The following CCDC190 variants were observed in gnomAD, a reference collection of about 807,000 sequenced individuals.
CCDC190 encodes the protein coiled-coil domain-containing protein 190.
CCDC190 carries 10 observed loss-of-function variants against 13.1 expected under a neutral mutation model. That is an observed-to-expected ratio of 0.77 (90% CI 0.47 to 1.30). The LOEUF is 1.30. Among genes scored for constraint, CCDC190 ranks in the 50% most tolerant of loss-of-function variants. The pLI, the probability that CCDC190 is intolerant of heterozygous loss-of-function variation, is 0.00. For synonymous variants in CCDC190, 136 were observed against 127.2 expected, an observed-to-expected ratio of 1.07 and a Z score of -0.47; for missense variants, 375 against 354.3, an observed-to-expected ratio of 1.06 and a Z score of -0.47.
At chr1:162,865,530 A>T (rs1194227030), upstream of CCDC190, among the ~76,000 whole-genome samples, 1 of 139,696 alleles carries the variant, frequency 7.2e-6, no homozygotes, top group African/African-American at 3.4e-5. Context: ...TTAAAATAAC[A>T]GTGTATTCTG....
At chr1:162,859,687 C>A (rs779651017) in intron 1 of CCDC190, 29 bp from the exon 2 acceptor site, 92 of 1,560,514 alleles carry the variant, frequency 5.9e-5, no homozygotes, top group Non-Finnish European at 7.4e-5. Context: ...CACAAATAAC[C>A]TGATAAATGG....
chr1:162,866,884 A>G (rs2102266929), intron 1 of CCDC190, among the ~76,000 whole-genome samples: 1 of 152,296 alleles, frequency 6.6e-6, no homozygotes, highest in East Asian at 1.9e-4. Context: ...AACAATGGGT[A>G]TCTATGTGGA....
chr1:162,859,560 G>C lies in CCDC190; in HGVS notation c.87C>G (p.Asp29Glu). ...KNAKQAEARL[D>E]QRLQRLKVIC... ...TAACCTTTAGTCTCTGCAGTCTTTGGTCCAGTCTGGCTTCAGCCTGCTTGG... is the reference window on the plus strand; with the variant it reads ...TAACCTTTAGTCTCTGCAGTCTTTGCTCCAGTCTGGCTTCAGCCTGCTTGG... The change falls in exon 2 of 4, where the codon GAC becomes GAG. Residue 29 changes from aspartate to glutamate, a missense_variant. By Grantham distance (45) the Asp-to-Glu change is conservative. Coordinates refer to ENST00000367912, the MANE Select transcript of CCDC190 (RefSeq NM_001394065.1). 6.2e-7 allele frequency: 1 copy of C among 1,613,874 alleles called. No homozygotes were observed.
At chr1:162,865,531 G>T (rs1428862400), upstream of CCDC190, among the ~76,000 whole-genome samples, 1 of 151,776 alleles carries the variant, frequency 6.6e-6, no homozygotes, top group African/African-American at 2.4e-5. Flanking sequence ...TAAAATAACA[G>T]TGTATTCTGT....
chr1:162,866,057 T>C (rs188818085), upstream of CCDC190, among the ~76,000 whole-genome samples: 7 of 152,342 alleles, frequency 4.6e-5, no homozygotes, highest in Middle Eastern at 3.4e-3. Context: ...TGTTTAGATA[T>C]ATTAACATAA....
In CCDC190 at chr1:162,855,671, C is replaced by T. The variant is rs1650277276; in HGVS notation, c.272G>A (p.Gly91Glu). Residue 91 changes from glycine to glutamate, a missense_variant, in exon 3 of 4, where the codon GGA becomes GAA. Coordinates refer to ENST00000367912, the MANE Select transcript of CCDC190 (RefSeq NM_001394065.1). The stretch of plus-strand genomic sequence containing the variant: ...CTGTGGGGCTCTGTGCTTCTGCCTT[C>T]CCTGTGGTGAGAACACGAGAACATC... ...PEDVLVFSPQ[G>E]RQKHRAPQAK... 6.2e-7 allele frequency: 1 copy of T among 1,613,794 alleles called. No homozygotes were observed. The highest frequency in any genetic ancestry group is 1.3e-5 in the African/African-American group (1 of 75,020).
intron 1 of CCDC190, among the ~76,000 whole-genome samples, chr1:162,867,279 T>C (rs1238518377): frequency 1.3e-5 from 2 of 151,986 alleles, no homozygotes; most frequent in African/African-American, 4.8e-5. Flanking sequence ...TATTTAAAAA[T>C]GCAAAAAATA....
chr1:162,852,829 T>TA lies in CCDC190; in HGVS notation c.*1935dup. 5.0e-6 allele frequency: 2 copies of TA among 400,942 alleles called. No individual in the cohort carries two copies. Among genetic ancestry groups the TA allele is most frequent in the Non-Finnish European group, 4.6e-6 (1 of 219,076 alleles). 24.8% of individuals were successfully genotyped at this position (400,942 alleles called of 1,614,324 possible). On this transcript the variant is annotated 3_prime_UTR_variant, in exon 4 of 4. Coordinates refer to ENST00000367912, the MANE Select transcript of CCDC190 (RefSeq NM_001394065.1). ...AGCTAGTACAGTGAAAAGACCCACT[T>TA]AGCAGTGACAAACCATTCACTCAGG...
At chr1:162,858,725 A>C (rs1223691186) in intron 2 of CCDC190, among the ~76,000 whole-genome samples, 1 of 152,208 alleles carries the variant, frequency 6.6e-6, no homozygotes, top group Non-Finnish European at 1.5e-5. Flanking sequence ...ATTTTTAAGT[A>C]ATATTAAAAT....
chr1:162,861,581 A>G (rs375043577), upstream of CCDC190, among the ~76,000 whole-genome samples: 9 of 152,154 alleles, frequency 5.9e-5, no homozygotes, highest in Admixed American at 3.9e-4. Flanking sequence ...TAATTTGTTT[A>G]TTATGTGTTA....
upstream of CCDC190, among the ~76,000 whole-genome samples, chr1:162,862,455 G>A (rs956872787): frequency 3.9e-5 from 6 of 152,222 alleles, 1 homozygote; most frequent in East Asian, 3.9e-4. Flanking sequence ...ATGAGGTGGC[G>A]GAAACCATGG....
rs1163341022 is a variant in CCDC190, at chr1:162,855,095, A to C, written c.576T>G (p.Pro192=). The change falls in exon 4 of 4, where the codon CCT becomes CCG. Residue 192 remains proline (P), a synonymous_variant. Transcript: ENST00000367912. The part of the protein sequence containing the change: ...EVSTNTIEQG[P]SSSPASDSGM... ...CACTATCACTAGCTGGGCTGGAACT[A>C]GGACCTTGTTCTATGGTGTTGGTGG... 2 of 1,613,918 alleles carry C rather than the reference A, an allele frequency of 1.2e-6. No individual in the cohort carries two copies. Among genetic ancestry groups the C allele is most frequent in the African/African-American group, 1.3e-5 (1 of 74,940 alleles).
At chr1:162,865,075 C>T (rs555578766), upstream of CCDC190, among the ~76,000 whole-genome samples, 1 of 152,030 alleles carries the variant, frequency 6.6e-6, no homozygotes, top group African/African-American at 2.4e-5. Flanking sequence ...AAAGATATAC[C>T]ATGCTAACAC....
In CCDC190 at chr1:162,851,689, C is replaced by A. The variant is rs951285656; in HGVS notation, c.*3076G>T. 1.3e-5 allele frequency: 2 copies of A among 152,120 alleles called. No homozygotes were observed. The highest frequency in any genetic ancestry group is 2.9e-5 in the Non-Finnish European group (2 of 68,036). The allele number at this position is 152,120 out of a possible 1,614,324, so 9.4% of individuals were successfully genotyped here. A position where few individuals can be genotyped will look rare whatever the true frequency, so the allele number is the denominator to read the frequency against. On this transcript the variant is annotated 3_prime_UTR_variant, in exon 4 of 4. Transcript: ENST00000367912. ...GCAACAAGTCAAAAGCCCCTTCTTC[C>A]TCATGGGGGAGGAAATGGGGAAGGG... is the stretch of plus-strand genomic sequence containing the variant.
upstream of CCDC190, among the ~76,000 whole-genome samples, chr1:162,864,650 T>C (rs1650637756): frequency 6.6e-6 from 1 of 152,096 alleles, no homozygotes; most frequent in Admixed American, 6.6e-5. Flanking sequence ...TCTTATAATA[T>C]ATTTGCAGCA....
intron 1 of CCDC190, among the ~76,000 whole-genome samples, chr1:162,867,118 A>G (rs1317109283): frequency 1.3e-5 from 2 of 152,100 alleles, no homozygotes; most frequent in Non-Finnish European, 2.9e-5. Context: ...AAAAATTAAA[A>G]CCTTCTGTTC....
At chr1:162,859,381 A>C in intron 2 of CCDC190, 79 bp downstream of exon 2, 1 of 1,314,606 alleles carries the variant, frequency 7.6e-7, no homozygotes, top group Non-Finnish European at 1.0e-6. Context: ...AGAGCTCTGA[A>C]AGGGCCTCAG....
Position 162,859,566 on chromosome 1 carries a change from T to A in CCDC190, c.81A>T (p.Arg27Ser), listed in dbSNP as rs777480312. The A allele has an allele frequency of 1.2e-6, 2 of 1,613,970 alleles. No individual in the cohort carries two copies. The highest frequency in any genetic ancestry group is 4.5e-5 in the East Asian group (2 of 44,884). ...TTAGTCTCTGCAGTCTTTGGTCCAG[T>A]CTGGCTTCAGCCTGCTTGGCATTCT... ...ERKNAKQAEARLDQRLQRLKV... is the reference protein window; with the variant it reads ...ERKNAKQAEASLDQRLQRLKV... The change falls in exon 2 of 4, where the codon AGA becomes AGT. Residue 27 changes from arginine to serine, a missense_variant. Coordinates refer to ENST00000367912, the MANE Select transcript of CCDC190 (RefSeq NM_001394065.1).
intron 2 of CCDC190, among the ~76,000 whole-genome samples, chr1:162,858,111 A>C (rs1650370168): frequency 6.6e-6 from 1 of 152,202 alleles, no homozygotes; most frequent in Non-Finnish European, 1.5e-5. Flanking sequence ...GACTTAATAC[A>C]TATTGCTTCC....
Sources: gnomAD v4.1 joint callset for allele counts (sites outside exome capture counted in the v4.1 genomes callset) on GRCh38, gnomAD v4.1.1 for gene constraint, MANE v1.5 for transcripts, NCBI Gene and HGNC (gene_info 2026-07-23, HGNC 2026-07-21) for gene names.